The following ZRANB3 variants were observed in gnomAD, a reference collection of about 807,000 sequenced individuals.
The protein encoded by ZRANB3 is DNA annealing helicase and endonuclease ZRANB3.
In ZRANB3, 125 loss-of-function variants were observed where a neutral mutation model predicts 133.8. The ratio of observed to expected loss-of-function variants is 0.93; its 90% CI spans 0.81 to 1.08. The LOEUF (loss-of-function observed/expected upper bound fraction) is 1.08, where lower values mean the gene tolerates loss of function less well. ZRANB3 is among the 50% of genes least tolerant of loss of function. The pLI is 0.00. For synonymous variants in ZRANB3, 387 were observed against 432.7 expected, an observed-to-expected ratio of 0.89 and a Z score of 1.31; for missense variants, 1,229 against 1,275.5, an observed-to-expected ratio of 0.96 and a Z score of 0.56.
Position 135,265,564 on chromosome 2 carries a change from T to C in ZRANB3, c.1509A>G (p.Glu503=), listed in dbSNP as rs1297800207. 1 of 1,613,692 alleles carries C rather than the reference T, an allele frequency of 6.2e-7. No homozygotes were observed. Among genetic ancestry groups the C allele is most frequent in the Non-Finnish European group, 8.5e-7 (1 of 1,179,768 alleles). The change falls in exon 12 of 21, where the codon GAA becomes GAG. Residue 503 remains glutamate, a synonymous_variant. Coordinates refer to ENST00000264159, the MANE Select transcript of ZRANB3 (RefSeq NM_032143.4). ...AEAWTPNDSS[E]ELRKEALFTH... is the part of the protein sequence containing the mutation. Reference sequence around the variant, plus strand: ...TGAACAAAGCTTCCTTCCTTAACTCTTCAGAACTGTCATTTGGAGTCCAAG... The same window carrying C: ...TGAACAAAGCTTCCTTCCTTAACTCCTCAGAACTGTCATTTGGAGTCCAAG...
In ZRANB3 at chr2:135,224,449, C is replaced by A; in HGVS notation, c.2227G>T (p.Asp743Tyr). The A allele has an allele frequency of 6.2e-7, 1 of 1,612,820 alleles. No individual in the cohort carries two copies. The highest frequency in any genetic ancestry group is 1.1e-5 in the South Asian group (1 of 90,852). Residue 743 changes from aspartate to tyrosine, a missense_variant, in exon 15 of 21, where the codon GAC (aspartate) becomes TAC (tyrosine). Transcript: ENST00000264159. ...ACCTTAGTATAGATGTGAATCCGGTCAGTATTCCTACTTGCACAGAACATT... is the reference window on the plus strand; with the variant it reads ...ACCTTAGTATAGATGTGAATCCGGTAAGTATTCCTACTTGCACAGAACATT... ...TLMFCASRNT[D>Y]RIHIYTKDGK...
intron 9 of ZRANB3, among the ~76,000 whole-genome samples, chr2:135,273,211 AAAAG>A (rs1680625103): frequency 1.3e-5 from 2 of 151,856 alleles, no homozygotes; most frequent in Admixed American, 6.6e-5. Context: ...AAAAAAGAAA[AAAAG>A]AAATCATTAT....
At chr2:135,273,705 A>T (rs1003361366) in intron 9 of ZRANB3, among the ~76,000 whole-genome samples, 33 of 152,194 alleles carry the variant, frequency 2.2e-4, no homozygotes, top group African/African-American at 7.9e-4. Flanking sequence ...CGCCCGGCTA[A>T]TTCTTATTTT....
chr2:135,211,555 C>A (rs528489604), intron 17 of ZRANB3, among the ~76,000 whole-genome samples: 63 of 152,214 alleles, frequency 4.1e-4, no homozygotes, highest in African/African-American at 1.4e-3. Flanking sequence ...AAAAACAAAA[C>A]AAAAAGAAAC....
At chr2:135,225,481 G>T (rs1660789405) in intron 14 of ZRANB3, among the ~76,000 whole-genome samples, 1 of 152,150 alleles carries the variant, frequency 6.6e-6, no homozygotes, top group African/African-American at 2.4e-5. Flanking sequence ...TAACATCTCT[G>T]AAACTGGCAT....
At chr2:135,348,801 C>T (rs1685062712) in intron 5 of ZRANB3, among the ~76,000 whole-genome samples, 1 of 152,106 alleles carries the variant, frequency 6.6e-6, no homozygotes, top group South Asian at 2.1e-4. Context: ...ACCATGTTGG[C>T]CAGGCTGGTC....
intron 11 of ZRANB3, among the ~76,000 whole-genome samples, chr2:135,266,637 C>T (rs1186786700): frequency 2.0e-5 from 3 of 151,872 alleles, no homozygotes; most frequent in East Asian, 3.9e-4. Context: ...TGGTGGCGGG[C>T]GCCTGTAGTC....
chr2:135,390,902 C>A (rs1687201538), intron 2 of ZRANB3, 82 bp from the exon 3 acceptor site: 18 of 1,398,152 alleles, frequency 1.3e-5, no homozygotes, highest in Admixed American at 2.7e-5. Context: ...CGCTCTGTCA[C>A]CAGGCTGGAG....
At chr2:135,284,792 C>T (rs1292176810) in intron 8 of ZRANB3, among the ~76,000 whole-genome samples, 1 of 151,520 alleles carries the variant, frequency 6.6e-6, no homozygotes, top group African/African-American at 2.4e-5. Flanking sequence ...CTTTACTCAT[C>T]CTCACTTCCT....
intron 3 of ZRANB3, among the ~76,000 whole-genome samples, chr2:135,372,773 C>T (rs563193451): frequency 8.7e-4 from 117 of 134,472 alleles, no homozygotes; most frequent in African/African-American, 3.1e-3. Flanking sequence ...GGCGACAGAG[C>T]GAGACTCCAT....
At chr2:135,427,316 G>T (rs541161409) in intron 2 of ZRANB3, among the ~76,000 whole-genome samples, 1 of 152,102 alleles carries the variant, frequency 6.6e-6, no homozygotes, top group African/African-American at 2.4e-5. Context: ...TGGAAAACTC[G>T]ATTGTCTCTC....
intron 17 of ZRANB3, among the ~76,000 whole-genome samples, chr2:135,214,552 T>C (rs967788754): frequency 6.6e-6 from 1 of 152,076 alleles, no homozygotes; most frequent in African/African-American, 2.4e-5. Flanking sequence ...AGCTAGAAAT[T>C]CAGTTATGAA....
At chr2:135,255,586 C>T (rs183109646) in intron 12 of ZRANB3, among the ~76,000 whole-genome samples, 8 of 152,242 alleles carry the variant, frequency 5.3e-5, no homozygotes, top group East Asian at 1.9e-4. Flanking sequence ...CAGTGGCTAA[C>T]GCCTGTAATC....
Position 135,288,169 on chromosome 2 carries a change from T to C in ZRANB3, c.967-12414A>G, listed in dbSNP as rs554235370. Reference sequence around the variant, plus strand: ...GGATGCTGGATTTTGTCAAATGCCTTTTCTGCATCTATTGAGATGATCATG... The same window carrying C: ...GGATGCTGGATTTTGTCAAATGCCTCTTCTGCATCTATTGAGATGATCATG... On this transcript the variant is annotated intron_variant, in intron 8 of 20. Coordinates refer to ENST00000264159, the MANE Select transcript of ZRANB3 (RefSeq NM_032143.4). Among the ~76,000 whole-genome samples, 9 of 152,324 alleles carry C rather than the reference T, an allele frequency of 5.9e-5. No individual in the cohort carries two copies. The South Asian group carries it at 1.9e-3, about 32-fold the overall frequency.
chr2:135,393,695 C>T (rs568699947), intron 2 of ZRANB3, among the ~76,000 whole-genome samples: 6 of 151,986 alleles, frequency 3.9e-5, no homozygotes, highest in Non-Finnish European at 7.4e-5. Context: ...TTGTAAAATT[C>T]ATTAATTTTA....
chr2:135,348,024 T>C (rs2104869820), intron 5 of ZRANB3, among the ~76,000 whole-genome samples: 1 of 152,138 alleles, frequency 6.6e-6, no homozygotes, highest in South Asian at 2.1e-4. Flanking sequence ...TTTAGGAGGC[T>C]AAGACGAGCA....
At chr2:135,518,099 G>A (rs1693774877) in intron 1 of ZRANB3, among the ~76,000 whole-genome samples, 1 of 152,136 alleles carries the variant, frequency 6.6e-6, no homozygotes, top group South Asian at 2.1e-4. Flanking sequence ...AATGGCAAAT[G>A]CCCCTCCCCC....
At chr2:135,457,082 C>A (rs917562868) in intron 2 of ZRANB3, among the ~76,000 whole-genome samples, 1 of 152,116 alleles carries the variant, frequency 6.6e-6, no homozygotes, top group Non-Finnish European at 1.5e-5. Context: ...CAATAAGTGG[C>A]CTCTTGTGTC....
At chr2:135,465,631 C>T (rs1270324099) in intron 2 of ZRANB3, among the ~76,000 whole-genome samples, 1 of 152,068 alleles carries the variant, frequency 6.6e-6, no homozygotes, top group Admixed American at 6.6e-5. Context: ...GACTAAAACA[C>T]CAAAAGCAAT....
Sources: gnomAD v4.1 joint callset for allele counts (sites outside exome capture counted in the v4.1 genomes callset) on GRCh38, gnomAD v4.1.1 for gene constraint, MANE v1.5 for transcripts, NCBI Gene and HGNC (gene_info 2026-07-23, HGNC 2026-07-21) for gene names.